Variants in DENND1B observed in about 807,000 individuals in gnomAD.
The protein encoded by DENND1B is DENN domain-containing protein 1B.
A neutral mutation model predicts 90.1 loss-of-function variants in DENND1B; 59 were observed. The ratio of observed to expected loss-of-function variants is 0.65; its 90% confidence interval spans 0.53 to 0.81. The LOEUF (loss-of-function observed/expected upper bound fraction) is 0.81. Ranked by LOEUF, DENND1B falls within the 40% of genes least tolerant of loss-of-function variation. DENND1B has a pLI of 0.00. For missense variants in DENND1B, 862 were observed against 912.6 expected (o/e 0.94, Z 0.71); for synonymous variants, 337 against 324.6 (o/e 1.04, Z -0.41).
At chr1:197,564,913 G>GA (rs1672496451) in intron 15 of DENND1B, among the ~76,000 whole-genome samples, 1 of 151,936 alleles carries the variant, frequency 6.6e-6, no homozygotes. Flanking sequence ...GATGCTGGGA[G>GA]AAAAAGTATC....
At chr1:197,754,030 A>C (rs571462257) in intron 2 of DENND1B, among the ~76,000 whole-genome samples, 2 of 151,868 alleles carry the variant, frequency 1.3e-5, no homozygotes, top group African/African-American at 2.4e-5. Context: ...AAAATAAATA[A>C]AATAAATTCT....
At chr1:197,608,708 A>G (rs1214300266) in intron 12 of DENND1B, among the ~76,000 whole-genome samples, 1 of 150,640 alleles carries the variant, frequency 6.6e-6, no homozygotes, top group African/African-American at 2.4e-5. Context: ...ATAGCCTAAG[A>G]TAAAGCTATG....
At chr1:197,574,307 G>A (rs140086730) in intron 15 of DENND1B, among the ~76,000 whole-genome samples, 4,689 of 152,098 alleles carry the variant, frequency 0.031, 106 homozygotes, top group Middle Eastern at 0.099. Context: ...ACAGACAATC[G>A]GAGAGCCAAA....
chr1:197,723,777 T>C (rs1040983604), intron 2 of DENND1B, among the ~76,000 whole-genome samples: 1 of 152,048 alleles, frequency 6.6e-6, no homozygotes. Flanking sequence ...TAAGTTAGCA[T>C]GAGACTGTTG....
rs375459552 is a variant in DENND1B at position 197,573,811 on chromosome 1, A to G, written c.1149+9341T>C. On this transcript the variant is annotated intron_variant, in intron 15 of 22. Transcript: ENST00000620048. ...GCTGGTTTAATATACGCAAATCAAT[A>G]AATGTAATCCATCACATAAACAGAA... 3.3e-5 allele frequency among the ~76,000 whole-genome samples: 5 copies of G among 152,326 alleles called. No individual in the cohort carries two copies. The East Asian group carries it at 7.7e-4, about 24-fold the overall frequency.
chr1:197,758,960 ATT>A (rs759108636), intron 2 of DENND1B, among the ~76,000 whole-genome samples: 979 of 97,802 alleles, frequency 0.01, 12 homozygotes, highest in East Asian at 0.025. Flanking sequence ...TACTTCATTA[ATT>A]TTTTTTTTTT....
At chr1:197,698,494 A>T (rs988237433) in intron 3 of DENND1B, among the ~76,000 whole-genome samples, 2 of 152,078 alleles carry the variant, frequency 1.3e-5, no homozygotes, top group East Asian at 3.9e-4. Context: ...TAACATCACA[A>T]TTAAAAGAGC....
At chr1:197,567,738 C>T (rs1672799049) in intron 15 of DENND1B, among the ~76,000 whole-genome samples, 1 of 152,006 alleles carries the variant, frequency 6.6e-6, no homozygotes, top group African/African-American at 2.4e-5. Context: ...AACAGATGCA[C>T]AAAGGCATTT....
At chr1:197,542,913 C>A (rs928779798) in intron 18 of DENND1B, among the ~76,000 whole-genome samples, 1 of 128,598 alleles carries the variant, frequency 7.8e-6, no homozygotes, top group Non-Finnish European at 1.7e-5. Context: ...AGAGTAGAAA[C>A]CTTTTTTATT....
chr1:197,623,355 C>A (rs1210632353), intron 10 of DENND1B, among the ~76,000 whole-genome samples: 4 of 151,198 alleles, frequency 2.6e-5, no homozygotes, highest in Admixed American at 2.6e-4. Flanking sequence ...TTAGTGGAAA[C>A]CATAAAGAAA....
intron 3 of DENND1B, among the ~76,000 whole-genome samples, chr1:197,694,668 C>T (rs1658250769): frequency 6.6e-6 from 1 of 151,288 alleles, no homozygotes; most frequent in Non-Finnish European, 1.5e-5. Flanking sequence ...AAAGAGTAAG[C>T]TTTTGGGAAA....
At chr1:197,770,732 ATATAAATATATATATC>A (rs1423095720) in intron 2 of DENND1B, among the ~76,000 whole-genome samples, 1 of 142,010 alleles carries the variant, frequency 7.0e-6, no homozygotes, top group Non-Finnish European at 1.5e-5. Flanking sequence ...CTATAAATAT[ATATAAATATATATATC>A]TATAAATATA....
At chr1:197,649,524 T>C (rs993000458) in intron 7 of DENND1B, among the ~76,000 whole-genome samples, 15 of 152,082 alleles carry the variant, frequency 9.9e-5, no homozygotes, top group Non-Finnish European at 2.2e-4. Flanking sequence ...TCAAGACACA[T>C]GGACCAATGG....
chr1:197,685,697 A>C (rs1657161783), intron 3 of DENND1B: 1 of 152,194 alleles, frequency 6.6e-6, no homozygotes, highest in African/African-American at 2.4e-5. Context: ...ATGTTAACTG[A>C]TAGTGATCAA....
At chr1:197,540,528 T>C (rs1670260217) in intron 19 of DENND1B, among the ~76,000 whole-genome samples, 1 of 152,124 alleles carries the variant, frequency 6.6e-6, no homozygotes, top group Non-Finnish European at 1.5e-5. Context: ...ACATACATAA[T>C]ATTTTGTAAA....
upstream of DENND1B, among the ~76,000 whole-genome samples, chr1:197,776,109 G>T (rs962858829): frequency 6.6e-6 from 1 of 152,192 alleles, no homozygotes; most frequent in African/African-American, 2.4e-5. Context: ...GTACATAGTC[G>T]CAGGCCTCAT....
intron 2 of DENND1B, among the ~76,000 whole-genome samples, chr1:197,769,751 G>A (rs1353813668): frequency 6.6e-6 from 1 of 151,630 alleles, no homozygotes; most frequent in Non-Finnish European, 1.5e-5. Context: ...ATCATTTAAT[G>A]TTAGCAAAAA....
intron 20 of DENND1B, among the ~76,000 whole-genome samples, chr1:197,518,715 C>G (rs1022830431): frequency 6.6e-6 from 1 of 151,762 alleles, no homozygotes; most frequent in Admixed American, 6.6e-5. Flanking sequence ...AATGCAAACT[C>G]AAGAAGGCTT....
At chr1:197,752,590 T>C (rs1032134088) in intron 2 of DENND1B, among the ~76,000 whole-genome samples, 9 of 152,070 alleles carry the variant, frequency 5.9e-5, no homozygotes, top group African/African-American at 2.2e-4. Flanking sequence ...CTGAGTTTAG[T>C]AGCTCTTTGG....
Sources: allele counts gnomAD v4.1 joint callset (sites outside exome capture counted in the v4.1 genomes callset), GRCh38; gene constraint gnomAD v4.1.1; transcripts MANE v1.5; gene names NCBI Gene and HGNC (gene_info 2026-07-23, HGNC 2026-07-21).